The following PRKN variants were observed in gnomAD, a reference collection of about 807,000 sequenced individuals.
PRKN encodes the protein parkin RBR E3 ubiquitin protein ligase, also known as E3 ubiquitin-protein ligase parkin.
Under a neutral mutation model 59.5 loss-of-function variants are expected in PRKN, and 56 were observed. That is an observed-to-expected ratio of 0.94 (90% CI 0.76 to 1.18). PRKN has a LOEUF of 1.18. PRKN is among the 50% of genes most tolerant of loss of function. The pLI is 0.00. For synonymous variants in PRKN, 250 were observed against 222.1 expected, an observed-to-expected ratio of 1.13 and a Z score of -1.12; for missense variants, 657 against 596.4, an observed-to-expected ratio of 1.10 and a Z score of -1.06.
At chr6:161,822,301 A>T (rs1351076393) in intron 6 of PRKN, among the ~76,000 whole-genome samples, 1 of 152,228 alleles carries the variant, frequency 6.6e-6, no homozygotes, top group Non-Finnish European at 1.5e-5. Flanking sequence ...GTGATTTTAA[A>T]GGAAAAGTGC....
chr6:161,749,519 A>G (rs1472313099), intron 7 of PRKN, among the ~76,000 whole-genome samples: 3 of 152,122 alleles, frequency 2.0e-5, no homozygotes, highest in Non-Finnish European at 4.4e-5. Context: ...TTAAATTTTC[A>G]CAAAGTCTTC....
intron 7 of PRKN, among the ~76,000 whole-genome samples, chr6:161,609,376 T>A (rs896494875): frequency 6.6e-6 from 1 of 152,194 alleles, no homozygotes; most frequent in African/African-American, 2.4e-5. Context: ...TTAACAGTGT[T>A]TTTTTATTTT....
intron 5 of PRKN, among the ~76,000 whole-genome samples, chr6:161,985,111 A>C (rs987025781): frequency 2.0e-5 from 3 of 152,188 alleles, no homozygotes; most frequent in Non-Finnish European, 4.4e-5. Context: ...ACCTCAACAT[A>C]ATCGCAGTGA....
intron 2 of PRKN, among the ~76,000 whole-genome samples, chr6:162,339,566 C>G (rs1307513455): frequency 1.1e-4 from 17 of 148,666 alleles, no homozygotes; most frequent in Non-Finnish European, 2.1e-4. Context: ...AGGTGAGGGG[C>G]GCCTCTGCCC....
At position 162,556,362 on chromosome 6, in the gene PRKN, T is replaced by TGTGTGTGTGTGC. The variant is rs1290501783; in HGVS notation, c.8-112890_8-112889insGCACACACACAC. 5.7e-3 allele frequency among the ~76,000 whole-genome samples: 495 copies of TGTGTGTGTGTGC among 86,300 alleles called. 9 individuals carry two copies. Among genetic ancestry groups the TGTGTGTGTGTGC allele is most frequent in the African/African-American group, 0.016 (440 of 27,422 alleles). The allele number at this position is 86,300 out of a possible 152,430, so 56.6% of individuals were successfully genotyped here. A position where few individuals can be genotyped will look rare whatever the true frequency, so the allele number is the denominator to read the frequency against. On this transcript the variant is annotated intron_variant, in intron 1 of 11. Transcript: ENST00000366898. ...CAGCTGGTGTGTGTGTGTGTGTGTG[T>TGTGTGTGTGTGC]GTGTGTGTGTGTGTGTGTGTGTGTG... is the stretch of plus-strand genomic sequence containing the variant.
At chr6:161,946,067 T>C (rs1779763355) in intron 6 of PRKN, among the ~76,000 whole-genome samples, 1 of 152,180 alleles carries the variant, frequency 6.6e-6, no homozygotes, top group Non-Finnish European at 1.5e-5. Context: ...GCTTAATAAA[T>C]ATTTTTTAAC....
At chr6:162,262,893 G>C (rs770949517) in intron 2 of PRKN, 128 bp from the exon 3 acceptor site, 1 of 1,200,968 alleles carries the variant, frequency 8.3e-7, no homozygotes, top group Non-Finnish European at 1.2e-6. Context: ...GACCAACTTA[G>C]GTGCTCCTTT....
In PRKN at chr6:161,592,795, G is replaced by T. The variant is rs1300958177; in HGVS notation, c.872-23379C>A. Among the ~76,000 whole-genome samples, 1 of 152,096 alleles carries T rather than the reference G, an allele frequency of 6.6e-6. No individual in the cohort carries two copies. The highest frequency in any genetic ancestry group is 2.1e-4 in the South Asian group (1 of 4,822). On this transcript the variant is annotated intron_variant, in intron 7 of 11. Coordinates refer to ENST00000366898, the MANE Select transcript of PRKN (RefSeq NM_004562.3). The surrounding 1 kb of genome is among the most constrained non-coding windows in gnomAD (Gnocchi z 4.8). ...ACACAAGCAGAGCAGACAGGTCTGC[G>T]GGCCAGGGTGCCGCCAGGATAGGAG...
At chr6:162,326,660 C>G (rs530985282) in intron 2 of PRKN, among the ~76,000 whole-genome samples, 116 of 152,292 alleles carry the variant, frequency 7.6e-4, no homozygotes, top group Admixed American at 3.4e-3. Context: ...CTCCCCTGAA[C>G]TGCCCAAGGT....
chr6:162,291,714 A>T (rs1781436387), intron 2 of PRKN, among the ~76,000 whole-genome samples: 1 of 152,150 alleles, frequency 6.6e-6, no homozygotes, highest in Non-Finnish European at 1.5e-5. Flanking sequence ...TTTCATTTTT[A>T]CCTTTAAAAA....
intron 5 of PRKN, among the ~76,000 whole-genome samples, chr6:162,011,409 ATATAT>A (rs1164378789): frequency 1.9e-4 from 3 of 15,888 alleles, no homozygotes; most frequent in South Asian, 1.4e-3. Context: ...TAAATATATA[ATATAT>A]TATATTTTAT....
intron 6 of PRKN, among the ~76,000 whole-genome samples, chr6:161,835,857 T>C (rs1014375799): frequency 5.3e-5 from 8 of 152,344 alleles, no homozygotes; most frequent in East Asian, 1.9e-4. Context: ...GAAGTGTTCA[T>C]TGCAGTTCAC....
intron 1 of PRKN, among the ~76,000 whole-genome samples, chr6:162,473,492 T>G (rs112951019): frequency 2.6e-4 from 40 of 152,300 alleles, no homozygotes; most frequent in African/African-American, 9.4e-4. Flanking sequence ...ATAGAAGGAC[T>G]AGTAAAGCCA....
rs1286748520 is a variant in PRKN at position 162,656,567 on chromosome 6, T to C, written c.7+71095A>G. ...CTTTCTAGGCATTGAATCTATCCCA[T>C]TAGCACTGTCTCTGCCATAGCACAT... is the stretch of plus-strand genomic sequence containing the variant. On this transcript the variant is annotated intron_variant, in intron 1 of 11. Transcript: ENST00000366898. Among the ~76,000 whole-genome samples, 4 of 152,348 alleles carry C rather than the reference T, an allele frequency of 2.6e-5. 1 individual carries two copies. In the East Asian group the frequency reaches 5.8e-4, roughly 22 times the overall value.
intron 7 of PRKN, among the ~76,000 whole-genome samples, chr6:161,727,719 C>T (rs1019796891): frequency 6.6e-6 from 1 of 152,144 alleles, no homozygotes; most frequent in Non-Finnish European, 1.5e-5. Context: ...GAACACAGGA[C>T]ATTGCATTAG....
chr6:162,644,942 A>G (rs897675312), intron 1 of PRKN, among the ~76,000 whole-genome samples: 1 of 152,220 alleles, frequency 6.6e-6, no homozygotes, highest in Non-Finnish European at 1.5e-5. Context: ...AGATGCATAT[A>G]GAGAACTTAG....
intron 2 of PRKN, among the ~76,000 whole-genome samples, chr6:162,370,360 T>C (rs1197940028): frequency 1.3e-5 from 2 of 152,154 alleles, no homozygotes; most frequent in Admixed American, 6.6e-5. Context: ...TTAACATCAC[T>C]AACTAAGGCA....
chr6:162,320,362 CAAAA>C (rs55793911), intron 2 of PRKN, among the ~76,000 whole-genome samples: 379 of 7,298 alleles, frequency 0.052, 24 homozygotes, highest in African/African-American at 0.2. Context: ...TACAAAAAGC[CAAAA>C]AAAAAAAAAA....
At chr6:161,559,876 C>T (rs1259118021) in intron 8 of PRKN, among the ~76,000 whole-genome samples, 2 of 152,162 alleles carry the variant, frequency 1.3e-5, no homozygotes, top group Non-Finnish European at 2.9e-5. Flanking sequence ...ATATTTATAA[C>T]TATCTGAAAT....
Sources: gnomAD v4.1 joint callset for allele counts (sites outside exome capture counted in the v4.1 genomes callset) on GRCh38, gnomAD v4.1.1 for gene constraint, Gnocchi (gnomAD v3.1) non-coding constraint, MANE v1.5 for transcripts, NCBI Gene and HGNC (gene_info 2026-07-23, HGNC 2026-07-21) for gene names.